The following STRN variants were observed in gnomAD, a reference collection of about 807,000 sequenced individuals.
The protein encoded by STRN is protein phosphatase 2 regulatory subunit B'''alpha.
STRN carries 53 observed loss-of-function variants against 96.3 expected under a neutral mutation model. The ratio of observed to expected loss-of-function variants is 0.55; its 90% CI spans 0.44 to 0.69. The LOEUF is 0.69. Among genes scored for constraint, STRN ranks in the 30% least tolerant of loss-of-function variants. The pLI is 0.00. For missense variants in STRN, 987 were observed against 963.9 expected, an observed-to-expected ratio of 1.02 and a Z score of -0.32; for synonymous variants, 428 against 355.9, an observed-to-expected ratio of 1.20 and a Z score of -2.28.
chr2:36,899,678 T>A lies in STRN; in HGVS notation c.660-20A>T. ...GATTTTCTGGTGTAAAACATGTATA[T>A]CCTGCTTAGTTAATCTTTTTAACTT... On this transcript the variant is annotated intron_variant, in intron 5 of 17. Transcript: ENST00000263918. The A allele has an allele frequency of 6.4e-7, 1 of 1,568,048 alleles. No individual in the cohort carries two copies. Among genetic ancestry groups the A allele is most frequent in the Non-Finnish European group, 8.6e-7 (1 of 1,156,962 alleles).
At chr2:36,946,079 T>C (rs1670974254) in intron 1 of STRN, among the ~76,000 whole-genome samples, 1 of 151,762 alleles carries the variant, frequency 6.6e-6, no homozygotes, top group African/African-American at 2.4e-5. Context: ...AAAAGAGAGG[T>C]ATAAATACTG....
intron 9 of STRN, among the ~76,000 whole-genome samples, chr2:36,880,983 T>C (rs1238181904): frequency 6.6e-6 from 1 of 152,200 alleles, no homozygotes; most frequent in African/African-American, 2.4e-5. Context: ...TACCTGATTG[T>C]TCCTAAGGAG....
chr2:36,938,472 G>C (rs1299131741), intron 1 of STRN, among the ~76,000 whole-genome samples: 1 of 151,842 alleles, frequency 6.6e-6, no homozygotes, highest in East Asian at 1.9e-4. Flanking sequence ...AAAGCTGAGC[G>C]TAAGGAAACC....
Position 36,846,405 on chromosome 2 carries a change from A to ATATATATATAGTT in STRN, c.*3050_*3051insAACTATATATATA. The ATATATATATAGTT allele has an allele frequency of 7.7e-6, 1 of 129,762 alleles. No individual in the cohort carries two copies. 8.0% of individuals were successfully genotyped at this position (129,762 alleles called of 1,614,324 possible). ...CTATGGTTTATATATATATATATAT[A>ATATATATATAGTT]TATATATATATATATATATATATAG... On this transcript the variant is annotated 3_prime_UTR_variant, in exon 18 of 18. Transcript: ENST00000263918.
At position 36,849,661 on chromosome 2, in the gene STRN, A is replaced by G. The variant is rs1322254617; in HGVS notation, c.2174-36T>C. ...AAAAAAAATTAAAAGGAAAAATTAC[A>G]TTAACATGAAAATGGTAAGGACAAA... is the stretch of plus-strand genomic sequence containing the variant. On this transcript the variant is annotated intron_variant, in intron 17 of 17. Coordinates refer to ENST00000263918, the MANE Select transcript of STRN (RefSeq NM_003162.4). The G allele has an allele frequency of 3.1e-6, 5 of 1,612,466 alleles. No homozygotes were observed. The South Asian group carries it at 5.5e-5, about 18-fold the overall frequency.
chr2:36,872,529 A>G (rs1416493175), intron 10 of STRN, among the ~76,000 whole-genome samples: 1 of 152,192 alleles, frequency 6.6e-6, no homozygotes, highest in African/African-American at 2.4e-5. Context: ...TGAAGATAAT[A>G]AATGTTTTTT....
chr2:36,904,813 G>C (rs1191736119), intron 4 of STRN, among the ~76,000 whole-genome samples: 2 of 152,126 alleles, frequency 1.3e-5, no homozygotes, highest in Non-Finnish European at 2.9e-5. Context: ...GAGCGACAGA[G>C]TGAGACTCCA....
chr2:36,922,245 A>C (rs1670279017), intron 2 of STRN, among the ~76,000 whole-genome samples: 1 of 152,142 alleles, frequency 6.6e-6, no homozygotes, highest in Non-Finnish European at 1.5e-5. Flanking sequence ...TTGGCTGGGC[A>C]TGGTGACTCA....
In STRN at chr2:36,860,302, C is replaced by A. The variant is rs150437688; in HGVS notation, c.1669+830G>T. 2.6e-5 allele frequency among the ~76,000 whole-genome samples: 4 copies of A among 152,226 alleles called. No homozygotes were observed. The East Asian group carries it at 7.7e-4, about 29-fold the overall frequency. ...GACAGAATGAGGGACAGTTGATCCTCTGGCAGAGAGGTAAAGGAAGTAAGG... is the reference window on the plus strand; with the variant it reads ...GACAGAATGAGGGACAGTTGATCCTATGGCAGAGAGGTAAAGGAAGTAAGG... On this transcript the variant is annotated intron_variant, in intron 13 of 17. Coordinates refer to ENST00000263918, the MANE Select transcript of STRN (RefSeq NM_003162.4).
intron 2 of STRN, among the ~76,000 whole-genome samples, chr2:36,922,073 G>C (rs528410665): frequency 1.3e-5 from 2 of 152,120 alleles, no homozygotes; most frequent in South Asian, 4.2e-4. Flanking sequence ...AGGTAGTTAG[G>C]GACAAACTAG....
Position 36,845,830 on chromosome 2 carries a change from AG to A in STRN, c.*3625del, listed in dbSNP as rs1254450017. 9.9e-5 allele frequency: 15 copies of A among 150,944 alleles called. No individual in the cohort carries two copies. The highest frequency in any genetic ancestry group is 3.6e-4 in the African/African-American group (15 of 41,128). The allele number at this position is 150,944 out of a possible 1,614,324, so 9.4% of individuals were successfully genotyped here. A position where few individuals can be genotyped will look rare whatever the true frequency, so the allele number is the denominator to read the frequency against. Reference sequence around the variant, plus strand: ...TCCCCTGAAGTCCTAGAAGTTGAGCAGATACATTAAAAAGACATTGATGGTC... The same window carrying A: ...TCCCCTGAAGTCCTAGAAGTTGAGCAATACATTAAAAAGACATTGATGGTC... On this transcript the variant is annotated 3_prime_UTR_variant, in exon 18 of 18. Transcript: ENST00000263918.
At chr2:36,849,912 T>C (rs1241756780) in intron 16 of STRN, 112 bp from the exon 17 acceptor site, 29 of 978,144 alleles carry the variant, frequency 3.0e-5, no homozygotes, top group African/African-American at 4.9e-5. Context: ...GTGCTTACTG[T>C]ATTAATAGCT....
chr2:36,851,795 T>C (rs1046157633), intron 15 of STRN, among the ~76,000 whole-genome samples: 1 of 152,206 alleles, frequency 6.6e-6, no homozygotes, highest in African/African-American at 2.4e-5. Context: ...TACAAAGTTC[T>C]GTATCACATC....
At chr2:36,897,194 A>T (rs1382809389) in intron 6 of STRN, among the ~76,000 whole-genome samples, 3 of 152,132 alleles carry the variant, frequency 2.0e-5, no homozygotes, top group Non-Finnish European at 4.4e-5. Context: ...ATAAAATAAA[A>T]TAACATTTTT....
intron 9 of STRN, among the ~76,000 whole-genome samples, chr2:36,883,102 A>G (rs943435674): frequency 1.3e-5 from 2 of 152,242 alleles, no homozygotes; most frequent in Non-Finnish European, 2.9e-5. Flanking sequence ...GAATTATTAT[A>G]CATGATGTAG....
chr2:36,874,978 C>T (rs945685869), intron 10 of STRN, among the ~76,000 whole-genome samples: 1 of 150,952 alleles, frequency 6.6e-6, no homozygotes, highest in South Asian at 2.1e-4. Flanking sequence ...ATAAATAATC[C>T]TAACTGAGTA....
chr2:36,910,659 C>T (rs1476512633), intron 3 of STRN, among the ~76,000 whole-genome samples: 1 of 151,848 alleles, frequency 6.6e-6, no homozygotes, highest in Non-Finnish European at 1.5e-5. Context: ...CAAAAGAAGC[C>T]TGAAAAAGAA....
In STRN at chr2:36,855,245, G is replaced by A. The variant is rs772420673; in HGVS notation, c.1945C>T (p.Arg649Cys). 1.6e-5 allele frequency: 26 copies of A among 1,613,624 alleles called. No homozygotes were observed. The highest frequency in any genetic ancestry group is 1.6e-4 in the Middle Eastern group (1 of 6,084). ...ACATTGGATTCTAAAGTGAGAATGC[G>A]TTGTTGTGTTTCCATGTTAAAAATG... ...TSIFNMETQQ[R>C]ILTLESNVDT... The change falls in exon 15 of 18, where the codon CGC becomes TGC. Residue 649 changes from arginine (R) to cysteine (C), a missense_variant. Arg to Cys is a radical substitution (Grantham distance 180). Transcript: ENST00000263918.
intron 3 of STRN, among the ~76,000 whole-genome samples, chr2:36,909,930 T>C (rs1669920592): frequency 6.6e-6 from 1 of 152,094 alleles, no homozygotes; most frequent in Admixed American, 6.5e-5. Context: ...CCCAGCACTT[T>C]GGGAGGCCAA....
Sources: gnomAD v4.1 joint callset for allele counts (sites outside exome capture counted in the v4.1 genomes callset) on GRCh38, gnomAD v4.1.1 for gene constraint, MANE v1.5 for transcripts, NCBI Gene and HGNC (gene_info 2026-07-23, HGNC 2026-07-21) for gene names.